The following VPS4B variants were observed in gnomAD, a reference collection of about 807,000 sequenced individuals.
VPS4B encodes vacuolar protein sorting-associated protein 4B.
VPS4B carries 23 observed loss-of-function variants against 56.1 expected under a neutral mutation model. The ratio of observed to expected loss-of-function variants is 0.41; its 90% CI spans 0.30 to 0.58. The LOEUF is 0.58. Among genes scored for constraint, VPS4B ranks in the 20% least tolerant of loss-of-function variants. The probability of loss-of-function intolerance (pLI) is 0.29; values close to 1 mark genes in which losing one functional copy is unlikely to be tolerated. For synonymous variants in VPS4B, 177 were observed against 186.0 expected, an observed-to-expected ratio of 0.95 and a Z score of 0.39; for missense variants, 372 against 531.9, an observed-to-expected ratio of 0.70 and a Z score of 2.96.
intron 1 of VPS4B, 57 bp from the exon 2 acceptor site, chr18:63,411,635 A>C: frequency 7.5e-7 from 1 of 1,334,592 alleles, no homozygotes; most frequent in South Asian, 1.7e-5. Flanking sequence ...ATAAATTTGA[A>C]GTAAATAATC....
chr18:63,406,740 A>G (rs972388092), intron 4 of VPS4B, among the ~76,000 whole-genome samples: 7 of 152,266 alleles, frequency 4.6e-5, no homozygotes, highest in African/African-American at 1.7e-4. Context: ...AAGCCCTGAA[A>G]GGAAGCTATT....
chr18:63,392,967 A>C (rs572743816), intron 10 of VPS4B, among the ~76,000 whole-genome samples: 37 of 151,710 alleles, frequency 2.4e-4, no homozygotes, highest in Admixed American at 2.4e-3. Context: ...GCCAGTTTCA[A>C]ACTCCTGGCC....
chr18:63,418,192 A>G (rs1916211148), intron 1 of VPS4B, among the ~76,000 whole-genome samples: 1 of 151,858 alleles, frequency 6.6e-6, no homozygotes, highest in Admixed American at 6.6e-5. Context: ...CTCTCCCTAC[A>G]TCTCACTCAT....
At chr18:63,409,100 C>T (rs1429936639) in intron 3 of VPS4B, among the ~76,000 whole-genome samples, 3 of 152,204 alleles carry the variant, frequency 2.0e-5, no homozygotes, top group Admixed American at 6.5e-5. Context: ...ATCAGACTAT[C>T]ATCTGATTTT....
rs182413942 is a variant in VPS4B at position 63,389,593 on chromosome 18, T to C, written c.*1382A>G. The C allele has an allele frequency of 1.1e-3, 154 of 140,230 alleles. No individual in the cohort carries two copies. The highest frequency in any genetic ancestry group is 4.0e-3 in the African/African-American group (141 of 35,360). The allele number at this position is 140,230 out of a possible 1,614,324, so 8.7% of individuals were successfully genotyped here. A position where few individuals can be genotyped will look rare whatever the true frequency, so the allele number is the denominator to read the frequency against. On this transcript the variant is annotated 3_prime_UTR_variant, in exon 11 of 11. Coordinates refer to ENST00000238497, the MANE Select transcript of VPS4B (RefSeq NM_004869.4). Reference sequence around the variant, plus strand: ...GTATGAAACACATCCTCAGATTATTTATTTGAAAATATTAAAATAGCATCG... The same window carrying C: ...GTATGAAACACATCCTCAGATTATTCATTTGAAAATATTAAAATAGCATCG...
rs1445149607 is a variant in VPS4B at position 63,403,806 on chromosome 18, G to T, written c.385C>A (p.Pro129Thr). ...QLQGAIVIERPNVKWSDVAGL... is the reference protein window; with the variant it reads ...QLQGAIVIERTNVKWSDVAGL... ...GCAACGTCACTCCATTTCACATTTG[G>T]TCGTTCTATAACAATGGCACCTGCA... The change falls in exon 5 of 11, where the codon CCA becomes ACA. Residue 129 changes from proline to threonine, a missense_variant. Pro to Thr is a conservative substitution (Grantham distance 38). Transcript: ENST00000238497. The T allele has an allele frequency of 1.9e-6, 3 of 1,611,868 alleles. No individual in the cohort carries two copies. In the South Asian group the frequency reaches 3.3e-5, roughly 18 times the overall value.
chr18:63,414,822 T>C (rs1211252327), intron 1 of VPS4B, among the ~76,000 whole-genome samples: 1 of 152,254 alleles, frequency 6.6e-6, no homozygotes, highest in Non-Finnish European at 1.5e-5. Context: ...AGCCACTTGT[T>C]CCTCTCATTC....
In VPS4B at chr18:63,397,213, C is replaced by A. The variant is rs1189302789; in HGVS notation, c.913G>T (p.Ala305Ser). ...RIYIPLPEPH[A>S]RAAMFKLHLG... Reference sequence around the variant, plus strand: ...TGCAGTTTAAACATTGCTGCTCGGGCATGGGGTTCCGGCAAGGGAATATAA... The same window carrying A: ...TGCAGTTTAAACATTGCTGCTCGGGAATGGGGTTCCGGCAAGGGAATATAA... Residue 305 changes from alanine to serine, a missense_variant, in exon 9 of 11, where the codon GCC (alanine) becomes TCC (serine). By Grantham distance (99) the Ala-to-Ser change is moderately conservative. Transcript: ENST00000238497. 6.2e-7 allele frequency: 1 copy of A among 1,613,482 alleles called. No homozygotes were observed. Among genetic ancestry groups the A allele is most frequent in the South Asian group, 1.1e-5 (1 of 90,926 alleles).
At chr18:63,391,728 A>G (rs893822668) in intron 10 of VPS4B, among the ~76,000 whole-genome samples, 1 of 152,230 alleles carries the variant, frequency 6.6e-6, no homozygotes, top group African/African-American at 2.4e-5. Context: ...AACGAGATCA[A>G]TTTTCCAAGT....
chr18:63,399,205 T>C (rs1915755944), intron 8 of VPS4B, 37 bp downstream of exon 8: 3 of 1,512,970 alleles, frequency 2.0e-6, no homozygotes, highest in Non-Finnish European at 2.7e-6. Context: ...TTGTTACATC[T>C]GCAGTGAGAA....
rs77585821 is a variant in VPS4B at position 63,416,960 on chromosome 18, G to A, written c.27+5273C>T. On this transcript the variant is annotated intron_variant, in intron 1 of 10. Coordinates refer to ENST00000238497, the MANE Select transcript of VPS4B (RefSeq NM_004869.4). ...ACTCTCTCATCCCATCACTGTCATTGTATTTACCTGTATGCTCACCCACTG... is the reference window on the plus strand; with the variant it reads ...ACTCTCTCATCCCATCACTGTCATTATATTTACCTGTATGCTCACCCACTG... Among the ~76,000 whole-genome samples, 1,474 of 152,202 alleles carry A rather than the reference G, an allele frequency of 9.7e-3. 20 individuals are homozygous for A. Among genetic ancestry groups the A allele is most frequent in the African/African-American group, 0.034 (1,408 of 41,526 alleles).
At chr18:63,415,606 C>A in intron 1 of VPS4B, 1 of 243,216 alleles carries the variant, frequency 4.1e-6, no homozygotes, top group South Asian at 6.1e-5. Context: ...AAGCAGTGGT[C>A]CATGATAACC....
At chr18:63,414,470 T>G (rs1227038884) in intron 1 of VPS4B, among the ~76,000 whole-genome samples, 1 of 152,150 alleles carries the variant, frequency 6.6e-6, no homozygotes, top group Non-Finnish European at 1.5e-5. Flanking sequence ...GTCTCACTCT[T>G]GTCGCCCAGA....
chr18:63,392,663 T>C (rs1223863204), intron 10 of VPS4B, among the ~76,000 whole-genome samples: 1 of 152,094 alleles, frequency 6.6e-6, no homozygotes. Context: ...TTGGCCAGGA[T>C]GGTCTCGATC....
At chr18:63,416,892 A>C (rs373460081) in intron 1 of VPS4B, among the ~76,000 whole-genome samples, 4 of 152,278 alleles carry the variant, frequency 2.6e-5, no homozygotes, top group South Asian at 2.1e-4. Flanking sequence ...GCTATAGCAA[A>C]GGCTGCACCT....
At chr18:63,421,545 G>A (rs1469407950) in intron 1 of VPS4B, among the ~76,000 whole-genome samples, 2 of 152,196 alleles carry the variant, frequency 1.3e-5, no homozygotes, top group Non-Finnish European at 2.9e-5. Flanking sequence ...ATTACATTAA[G>A]AAATTTCTTT....
chr18:63,400,651 T>G lies in VPS4B; in HGVS notation c.537A>C (p.Gly179=), dbSNP rs1432840525. The change falls in exon 6 of 11, where the codon GGA becomes GGC. Residue 179 remains glycine (G), a synonymous_variant. Transcript: ENST00000238497. ...CTACAGCTTTGGCTAAGTAGGACTTTCCTGTTCCAGGCGGCCCAAATAATA... is the reference window on the plus strand; with the variant it reads ...CTACAGCTTTGGCTAAGTAGGACTTGCCTGTTCCAGGCGGCCCAAATAATA... ...GILLFGPPGT[G]KSYLAKAVAT... 6.2e-7 allele frequency: 1 copy of G among 1,608,170 alleles called. No individual in the cohort carries two copies. Among genetic ancestry groups the G allele is most frequent in the East Asian group, 2.2e-5 (1 of 44,806 alleles).
Position 63,390,868 on chromosome 18 carries a change from T to G in VPS4B, c.*107A>C. The G allele has an allele frequency of 1.4e-6, 1 of 723,112 alleles. No homozygotes were observed. The highest frequency in any genetic ancestry group is 1.8e-5 in the South Asian group (1 of 56,064). 44.8% of individuals were successfully genotyped at this position (723,112 alleles called of 1,614,324 possible). On this transcript the variant is annotated 3_prime_UTR_variant, in exon 11 of 11. Coordinates refer to ENST00000238497, the MANE Select transcript of VPS4B (RefSeq NM_004869.4). ...GGAACTCTGAAGTGAGATGTGTATT[T>G]CCCTGTGGTAAAAGAGTTTTACTGG...
chr18:63,418,709 T>A (rs1916225096), intron 1 of VPS4B, among the ~76,000 whole-genome samples: 1 of 152,196 alleles, frequency 6.6e-6, no homozygotes, highest in Non-Finnish European at 1.5e-5. Flanking sequence ...CTGGTTTTAC[T>A]TTTGATTCAT....
Sources: gnomAD v4.1 joint callset for allele counts (sites outside exome capture counted in the v4.1 genomes callset) on GRCh38, gnomAD v4.1.1 for gene constraint, MANE v1.5 for transcripts, NCBI Gene and HGNC (gene_info 2026-07-23, HGNC 2026-07-21) for gene names.